PEX5: variants seen among roughly 807,000 people sequenced by gnomAD.
PEX5 encodes the protein peroxisomal biogenesis factor 5.
In PEX5, 52 loss-of-function variants were observed where a neutral mutation model predicts 82.9. The observed-to-expected ratio is 0.63, with a 90% CI of 0.50 to 0.79. The LOEUF (loss-of-function observed/expected upper bound fraction) is 0.79. Ranked by LOEUF, PEX5 falls within the 30% of genes least tolerant of loss-of-function variation. PEX5 has a pLI of 0.00. For missense variants in PEX5, 719 were observed against 815.2 expected, an observed-to-expected ratio of 0.88 and a Z score of 1.44; for synonymous variants, 300 against 318.8, an observed-to-expected ratio of 0.94 and a Z score of 0.63.
chr12:7,208,391 A>AG, intron 12 of PEX5, 66 bp from the exon 13 acceptor site: 1 of 1,196,100 alleles, frequency 8.4e-7, no homozygotes, highest in Non-Finnish European at 1.2e-6. Flanking sequence ...CTTGGATCCC[A>AG]GGGTGCTCAC....
rs771459563 is a variant in PEX5 at position 7,207,927 on chromosome 12, G to C, written c.1111-83G>C. ...TGGCCTAGGATAGGGGCTTGAGAGC[G>C]AGATGGTGAGTGGGAGAAGCCAGGG... On this transcript the variant is annotated intron_variant, in intron 11 of 15. Coordinates refer to ENST00000675855, the MANE Select transcript of PEX5 (RefSeq NM_001351132.2). 26 of 1,510,616 alleles carry C rather than the reference G, an allele frequency of 1.7e-5. 1 individual carries two copies. The highest frequency in any genetic ancestry group is 2.4e-5 in the Non-Finnish European group (26 of 1,085,856). 93.6% of individuals were successfully genotyped at this position (1,510,616 alleles called of 1,614,324 possible).
At chr12:7,217,379 G>A (rs1457260928) in intron 17 of PEX5, among the ~76,000 whole-genome samples, 4 of 152,144 alleles carry the variant, frequency 2.6e-5, no homozygotes, top group Non-Finnish European at 4.4e-5. Flanking sequence ...GCGCTTCTTC[G>A]CTGTACTCAC....
At chr12:7,200,551 G>T (rs1369616929) in intron 6 of PEX5, among the ~76,000 whole-genome samples, 1 of 151,936 alleles carries the variant, frequency 6.6e-6, no homozygotes, top group African/African-American at 2.4e-5. Flanking sequence ...CTGGGAGGTG[G>T]AGGTTGTAGC....
In PEX5 at chr12:7,209,854, T is replaced by C; in HGVS notation, c.1718+14T>C. On this transcript the variant is annotated intron_variant, in intron 15 of 15. Transcript: ENST00000675855. The stretch of plus-strand genomic sequence containing the variant: ...CGGGGCTCACCGGTGAGAGTATCTA[T>C]TGAGAAATGAATGAATGAGCTTTTT... 3.1e-6 allele frequency: 5 copies of C among 1,614,136 alleles called. No homozygotes were observed. Among genetic ancestry groups the C allele is most frequent in the South Asian group, 2.2e-5 (2 of 91,080 alleles).
At chr12:7,203,207 TGCACTGCACTGC>T (rs1565707649) in intron 9 of PEX5, among the ~76,000 whole-genome samples, 7 of 12,828 alleles carry the variant, frequency 5.5e-4, no homozygotes, top group African/African-American at 1.1e-3. Flanking sequence ...TGCACTGCAC[TGCACTGCACTGC>T]ACTACATTAC....
At chr12:7,209,991 T>C in intron 15 of PEX5, 31 bp from the exon 16 acceptor site, 1 of 1,611,598 alleles carries the variant, frequency 6.2e-7, no homozygotes, top group Non-Finnish European at 8.5e-7. Context: ...TTGTTCAGCT[T>C]AACAGCTCTC....
intron 12 of PEX5, 58 bp downstream of exon 12, chr12:7,208,138 G>A (rs1945049485): frequency 7.9e-7 from 1 of 1,272,888 alleles, no homozygotes; most frequent in African/African-American, 1.5e-5. Context: ...ATAACCTTTT[G>A]AATGACAGAA....
chr12:7,190,301 T>C, intron 1 of PEX5, 61 bp from the exon 2 acceptor site: 2 of 1,599,920 alleles, frequency 1.3e-6, no homozygotes, highest in East Asian at 2.2e-5. Flanking sequence ...ACGGGCAGAG[T>C]TGTGGATGTG....
At chr12:7,190,968 C>G in intron 3 of PEX5, 45 bp downstream of exon 3, 1 of 1,573,390 alleles carries the variant, frequency 6.4e-7, no homozygotes, top group East Asian at 2.2e-5. Flanking sequence ...CTCTTGCCCA[C>G]TGTGTTTTTA....
chr12:7,198,647 T>G (rs1391300703), intron 5 of PEX5, among the ~76,000 whole-genome samples: 1 of 152,202 alleles, frequency 6.6e-6, no homozygotes, highest in Non-Finnish European at 1.5e-5. Context: ...CACTCCTTAC[T>G]GGCTCCCTGC....
rs775376614 is a variant in PEX5, at chr12:7,207,982, G to T, written c.1111-28G>T. The T allele has an allele frequency of 2.5e-6, 4 of 1,590,992 alleles. No individual in the cohort carries two copies. The South Asian group carries it at 4.4e-5, about 18-fold the overall frequency. On this transcript the variant is annotated intron_variant, in intron 11 of 15. Coordinates refer to ENST00000675855, the MANE Select transcript of PEX5 (RefSeq NM_001351132.2). The stretch of plus-strand genomic sequence containing the variant: ...GGGCGAATGGAGAGGTGAATATGGG[G>T]TGATGGAATCTGTCAACTTCCCTCT...
At chr12:7,214,283 G>A (rs1388491547), downstream of PEX5, among the ~76,000 whole-genome samples, 8 of 151,886 alleles carry the variant, frequency 5.3e-5, no homozygotes, top group South Asian at 2.1e-4. Flanking sequence ...TGTTTATTGC[G>A]GCACTATTCA....
intron 5 of PEX5, among the ~76,000 whole-genome samples, chr12:7,197,731 G>A (rs962334587): frequency 6.6e-6 from 1 of 152,046 alleles, no homozygotes; most frequent in African/African-American, 2.4e-5. Context: ...AATACCGAAG[G>A]GGTAGTAAAA....
rs1437125964 is a variant in PEX5, at chr12:7,191,323, T to C, written c.281T>C (p.Ile94Thr). 6.2e-7 allele frequency: 1 copy of C among 1,614,144 alleles called. No homozygotes were observed. ...GACCTCCTGGCTGAGATGCAGCAGATTGAGCAGTCAAACTTCCGCCAGGCT... is the reference window on the plus strand; with the variant it reads ...GACCTCCTGGCTGAGATGCAGCAGACTGAGCAGTCAAACTTCCGCCAGGCT... ...MDDLLAEMQQIEQSNFRQAPQ... is the reference protein window; with the variant it reads ...MDDLLAEMQQTEQSNFRQAPQ... The change falls in exon 4 of 16, where the codon ATT (isoleucine) becomes ACT (threonine). Residue 94 changes from isoleucine to threonine, a missense_variant. Physicochemically the swap from Ile to Thr is moderately conservative, Grantham distance 89. Transcript: ENST00000675855.
chr12:7,198,128 CCTT>C (rs1943097629), intron 5 of PEX5, among the ~76,000 whole-genome samples: 1 of 151,998 alleles, frequency 6.6e-6, no homozygotes, highest in South Asian at 2.1e-4. Context: ...GAGTTTGTTG[CCTT>C]GATAGGTTAA....
rs942944800 is a variant in PEX5, at chr12:7,189,688, C to T, written c.-79C>T. 8.2e-6 allele frequency: 3 copies of T among 365,344 alleles called. No homozygotes were observed. Among genetic ancestry groups the T allele is most frequent in the Admixed American group, 4.7e-5 (1 of 21,434 alleles). 22.6% of individuals were successfully genotyped at this position (365,344 alleles called of 1,614,324 possible). On this transcript the variant is annotated 5_prime_UTR_variant, in exon 1 of 16. Coordinates refer to ENST00000675855, the MANE Select transcript of PEX5 (RefSeq NM_001351132.2). ...CCCGCCCCCTGGCTCCCCGCCCCCT[C>T]TTCTCCCCTCCCCCAAGCCAGCACC...
chr12:7,208,048 A>T lies in PEX5; in HGVS notation c.1149A>T (p.Glu383Asp). 6.2e-7 allele frequency: 1 copy of T among 1,614,050 alleles called. No homozygotes were observed. The highest frequency in any genetic ancestry group is 8.5e-7 in the Non-Finnish European group (1 of 1,179,888). The stretch of plus-strand genomic sequence containing the variant: ...TGGGTACCACCCAGGCAGAGAATGA[A>T]CAAGAACTATTAGCCATCAGTGCAT... ...QYLGTTQAENEQELLAISALR... is the reference protein window; with the variant it reads ...QYLGTTQAENDQELLAISALR... The change falls in exon 12 of 16, where the codon GAA becomes GAT. Residue 383 changes from glutamate (E) to aspartate (D), a missense_variant. Coordinates refer to ENST00000675855, the MANE Select transcript of PEX5 (RefSeq NM_001351132.2).
Position 7,191,274 on chromosome 12 carries a change from GCCCCTCAGA to G in PEX5, c.235_243del (p.Pro79_Thr81del), listed in dbSNP as rs1281012726. ...CCAGAATGCACCCCTTGTGTCCCGT[GCCCCTCAGA>G]CCTTCAAGATGGATGACCTCCTGGC... On this transcript the variant is annotated inframe_deletion, in exon 4 of 16. Coordinates refer to ENST00000675855, the MANE Select transcript of PEX5 (RefSeq NM_001351132.2). 6.2e-7 allele frequency: 1 copy of G among 1,614,122 alleles called. No homozygotes were observed. The highest frequency in any genetic ancestry group is 1.1e-5 in the South Asian group (1 of 91,086).
rs1243930931 is a variant in PEX5 at position 7,197,100 on chromosome 12, T to A, written c.449-1911T>A. The stretch of plus-strand genomic sequence containing the variant: ...TTATATATGTCACATATAATGTAAT[T>A]ATATATGTCATATAATGTAATAATA... On this transcript the variant is annotated intron_variant, in intron 5 of 15. Transcript: ENST00000675855. 8.3e-4 allele frequency among the ~76,000 whole-genome samples: 43 copies of A among 51,518 alleles called. 14 individuals are homozygous for A. Among genetic ancestry groups the A allele is most frequent in the Non-Finnish European group, 1.3e-3 (29 of 22,040 alleles). The allele number at this position is 51,518 out of a possible 152,430, so 33.8% of individuals were successfully genotyped here.
Sources: gnomAD v4.1 joint callset for allele counts (sites outside exome capture counted in the v4.1 genomes callset) on GRCh38, gnomAD v4.1.1 for gene constraint, MANE v1.5 for transcripts, NCBI Gene and HGNC (gene_info 2026-07-23, HGNC 2026-07-21) for gene names.